Variants in ACTA2 observed in about 807,000 individuals in gnomAD.
ACTA2 encodes actin alpha 2, smooth muscle.
Under a neutral mutation model 39.5 loss-of-function variants are expected in ACTA2, and 12 were observed. The observed-to-expected ratio is 0.30, with a 90% CI of 0.19 to 0.49. The LOEUF is 0.49. ACTA2 is among the 20% of genes least tolerant of loss of function. ACTA2 has a pLI of 0.99. For synonymous variants in ACTA2, 158 were observed against 180.6 expected, an observed-to-expected ratio of 0.88 and a Z score of 1.00; for missense variants, 236 against 498.8, an observed-to-expected ratio of 0.47 and a Z score of 5.02.
intron 1 of ACTA2, chr10:88,973,350 A>T (rs532559607): frequency 1.3e-6 from 2 of 1,490,872 alleles, no homozygotes; most frequent in Middle Eastern, 1.8e-4. Context: ...GTGATTAGGT[A>T]ATCCAAGAAT....
At chr10:88,943,967 T>C in intron 3 of ACTA2, 60 bp from the exon 4 acceptor site, 2 of 1,493,100 alleles carry the variant, frequency 1.3e-6, no homozygotes, top group South Asian at 2.3e-5. Context: ...GTCCTGCATT[T>C]CCCAAAAAGG....
chr10:88,989,387 G>T, intron 1 of ACTA2: 2 of 398,610 alleles, frequency 5.0e-6, no homozygotes, highest in Non-Finnish European at 1.0e-5. Flanking sequence ...AATAGTTTTA[G>T]GATTTCAAAA....
At chr10:88,982,271 C>T (rs1478254597) in intron 1 of ACTA2, among the ~76,000 whole-genome samples, 2 of 152,152 alleles carry the variant, frequency 1.3e-5, no homozygotes, top group African/African-American at 2.4e-5. Flanking sequence ...ATAAAACCCA[C>T]TAAATGGTAC....
chr10:88,939,846 T>C, intron 6 of ACTA2, 148 bp from the exon 7 acceptor site: 1 of 832,448 alleles, frequency 1.2e-6, no homozygotes, highest in Non-Finnish European at 2.0e-6. Context: ...TCCACAATGA[T>C]AATGACGTAG....
intron 1 of ACTA2, among the ~76,000 whole-genome samples, chr10:88,957,990 A>G (rs1007357838): frequency 1.3e-5 from 2 of 150,996 alleles, no homozygotes; most frequent in African/African-American, 4.9e-5. Flanking sequence ...CTGATCTCGA[A>G]CTCCTGACCT....
intron 8 of ACTA2, among the ~76,000 whole-genome samples, chr10:88,937,631 G>C (rs2133244425): frequency 6.6e-6 from 1 of 152,318 alleles, no homozygotes; most frequent in African/African-American, 2.4e-5. Context: ...GAGGTTAGTA[G>C]TGGAGGAAGA....
At chr10:88,943,622 G>C (rs1210101214) in intron 4 of ACTA2, 175 bp downstream of exon 4, 2 of 696,578 alleles carry the variant, frequency 2.9e-6, no homozygotes, top group African/African-American at 3.5e-5. Context: ...CCTGCAGGAA[G>C]GATGCAAGTA....
chr10:88,945,758 A>G (rs1253423341), intron 3 of ACTA2, among the ~76,000 whole-genome samples: 4 of 152,092 alleles, frequency 2.6e-5, no homozygotes, highest in Non-Finnish European at 5.9e-5. Context: ...GCAATGTTAC[A>G]CTCCTGTTTA....
Position 88,940,061 on chromosome 10 carries a change from G to A in ACTA2, c.617-363C>T. 3 of 302,192 alleles carry A rather than the reference G, an allele frequency of 9.9e-6. No individual in the cohort carries two copies. In the South Asian group the frequency reaches 1.0e-4, roughly 10 times the overall value. 18.7% of individuals were successfully genotyped at this position (302,192 alleles called of 1,614,324 possible). The stretch of plus-strand genomic sequence containing the variant: ...TCTGTGTTATAATTATTTTATGACA[G>A]AAAGTTTGTTATATTGTATTTTCAG... On this transcript the variant is annotated intron_variant, in intron 6 of 8. Coordinates refer to ENST00000224784, the MANE Select transcript of ACTA2 (RefSeq NM_001613.4).
chr10:88,935,581 C>A, intron 8 of ACTA2: 1 of 516,938 alleles, frequency 1.9e-6, no homozygotes, highest in Non-Finnish European at 3.5e-6. Context: ...TCAGTAAGCA[C>A]ATTCGTTTTT....
chr10:88,962,980 A>T (rs1350061306), intron 1 of ACTA2, among the ~76,000 whole-genome samples: 15 of 82,304 alleles, frequency 1.8e-4, no homozygotes, highest in African/African-American at 4.5e-4. Flanking sequence ...TATATATAAT[A>T]TTTTTTTTTT....
chr10:88,955,226 C>A (rs1192282030), upstream of ACTA2, among the ~76,000 whole-genome samples: 1 of 152,148 alleles, frequency 6.6e-6, no homozygotes, highest in Non-Finnish European at 1.5e-5. Flanking sequence ...AGCGCTGGGG[C>A]AGCACTCTGT....
intron 3 of ACTA2, chr10:88,946,833 G>C (rs1845957519): frequency 4.9e-6 from 1 of 202,072 alleles, no homozygotes; most frequent in Non-Finnish European, 1.0e-5. Flanking sequence ...ATGTTGGTGT[G>C]CTGCACCCAT....
At chr10:88,957,852 C>T (rs1846163218) in intron 1 of ACTA2, among the ~76,000 whole-genome samples, 1 of 152,138 alleles carries the variant, frequency 6.6e-6, no homozygotes, top group African/African-American at 2.4e-5. Flanking sequence ...ACTGCAACAA[C>T]CGCCTACCGG....
Position 88,948,869 on chromosome 10 carries a change from G to A in ACTA2, c.62C>T (p.Ala21Val). The change falls in exon 2 of 9, where the codon GCC (alanine) becomes GTC (valine). Residue 21 changes from alanine to valine, a missense_variant. Coordinates refer to ENST00000224784, the MANE Select transcript of ACTA2 (RefSeq NM_001613.4). The stretch of plus-strand genomic sequence containing the variant: ...GGGAGCATCGTCCCCAGCAAAGCCG[G>A]CCTTACAGAGCCCAGAGCCATTGTC... ...VCDNGSGLCK[A>V]GFAGDDAPRA... The A allele has an allele frequency of 1.9e-6, 3 of 1,613,960 alleles. No individual in the cohort carries two copies. The highest frequency in any genetic ancestry group is 2.5e-6 in the Non-Finnish European group (3 of 1,179,892).
In ACTA2 at chr10:88,948,886, G is replaced by A; in HGVS notation, c.45C>T (p.Gly15=). Residue 15 remains glycine, a synonymous_variant, in exon 2 of 9, where the codon GGC becomes GGT. Coordinates refer to ENST00000224784, the MANE Select transcript of ACTA2 (RefSeq NM_001613.4). The part of the protein sequence containing the change: ...EDSTALVCDN[G]SGLCKAGFAG... Reference sequence around the variant, plus strand: ...CAAAGCCGGCCTTACAGAGCCCAGAGCCATTGTCACACACCAAGGCAGTGC... The same window carrying A: ...CAAAGCCGGCCTTACAGAGCCCAGAACCATTGTCACACACCAAGGCAGTGC... The A allele has an allele frequency of 2.5e-6, 4 of 1,613,930 alleles. No homozygotes were observed. Among genetic ancestry groups the A allele is most frequent in the African/African-American group, 1.3e-5 (1 of 75,012 alleles).
At chr10:88,939,764 C>T (rs1845814760) in intron 6 of ACTA2, 66 bp from the exon 7 acceptor site, 6 of 1,517,636 alleles carry the variant, frequency 4.0e-6, no homozygotes, top group Non-Finnish European at 5.5e-6. Flanking sequence ...GATTCACCTG[C>T]CCTACTGCAG....
Position 88,990,973 on chromosome 10 carries a change from G to A in ACTA2, c.-58C>T. 5 of 1,608,984 alleles carry A rather than the reference G, an allele frequency of 3.1e-6. No homozygotes were observed. Among genetic ancestry groups the A allele is most frequent in the Non-Finnish European group, 4.3e-6 (5 of 1,175,750 alleles). On this transcript the variant is annotated 5_prime_UTR_variant, in exon 1 of 5. Coordinates refer to the ACTA2 transcript ENST00000415557. This position sits in a 1 kb window ranked among gnomAD's most constrained non-coding sequence, Gnocchi z 4.9. ...GTCCCGGGGATAGGCAAAGTGGGGCGGGCGCGGGACGCGTGCGGGATTGCG... is the reference window on the plus strand; with the variant it reads ...GTCCCGGGGATAGGCAAAGTGGGGCAGGCGCGGGACGCGTGCGGGATTGCG...
intron 1 of ACTA2, among the ~76,000 whole-genome samples, chr10:88,969,389 C>T: frequency 6.6e-6 from 1 of 152,220 alleles, no homozygotes; most frequent in East Asian, 1.9e-4. Flanking sequence ...GCTTGTAAGG[C>T]TGAATGGTCA....
Sources: allele counts gnomAD v4.1 joint callset (sites outside exome capture counted in the v4.1 genomes callset), GRCh38; gene constraint gnomAD v4.1.1; non-coding constraint Gnocchi (gnomAD v3.1); transcripts MANE v1.5; gene names NCBI Gene and HGNC (gene_info 2026-07-23, HGNC 2026-07-21).